Variants in KCNK2 observed in about 807,000 individuals in gnomAD.
KCNK2 encodes potassium channel subfamily K member 2.
Under a neutral mutation model 40.5 loss-of-function variants are expected in KCNK2, and 21 were observed. That is an observed-to-expected ratio of 0.52 (90% CI 0.37 to 0.75). The LOEUF is 0.75. Among genes scored for constraint, KCNK2 ranks in the 30% least tolerant of loss-of-function variants. The pLI is 0.00. For synonymous variants in KCNK2, 191 were observed against 202.2 expected (o/e 0.94, Z 0.47); for missense variants, 399 against 531.6 (o/e 0.75, Z 2.45).
chr1:215,145,457 T>G (rs1662373560), intron 3 of KCNK2, among the ~76,000 whole-genome samples: 1 of 152,236 alleles, frequency 6.6e-6, no homozygotes, highest in South Asian at 2.1e-4. Flanking sequence ...TTTGAATAAG[T>G]CTATTTGCAG....
At position 215,056,615 on chromosome 1, in the gene KCNK2, C is replaced by CTTTT. The variant is rs34925678; in HGVS notation, c.35-29736_35-29733dup. On this transcript the variant is annotated intron_variant, in intron 1 of 6. Coordinates refer to the KCNK2 transcript ENST00000391895. ...AGATTTGTAAAGGATTGTGTCCACTCTTTTTTTTTTTTTTTTTTTTGGTAG... is the reference window on the plus strand; with the variant it reads ...AGATTTGTAAAGGATTGTGTCCACTCTTTTTTTTTTTTTTTTTTTTTTTTGGTAG... Among the ~76,000 whole-genome samples, 900 of 103,950 alleles carry CTTTT rather than the reference C, an allele frequency of 8.7e-3. 42 individuals carry two copies. Among genetic ancestry groups the CTTTT allele is most frequent in the South Asian group, 0.068 (196 of 2,896 alleles). The allele number at this position is 103,950 out of a possible 152,430, so 68.2% of individuals were successfully genotyped here.
At chr1:215,066,233 C>G (rs1359669135) in intron 1 of KCNK2, among the ~76,000 whole-genome samples, 5 of 151,988 alleles carry the variant, frequency 3.3e-5, no homozygotes, top group Non-Finnish European at 7.4e-5. Flanking sequence ...CCTGCATGTT[C>G]TGCACATGTA....
At chr1:215,224,254 G>A (rs146091528) in intron 6 of KCNK2, among the ~76,000 whole-genome samples, 14 of 152,094 alleles carry the variant, frequency 9.2e-5, no homozygotes, top group African/African-American at 3.4e-4. Flanking sequence ...ATTCTAAGTG[G>A]GTAACCCCAC....
At chr1:215,182,009 C>G (rs1007902735) in intron 5 of KCNK2, among the ~76,000 whole-genome samples, 1 of 152,172 alleles carries the variant, frequency 6.6e-6, no homozygotes, top group African/African-American at 2.4e-5. Context: ...ACTCCTTGAC[C>G]CCATGTTCTC....
intron 3 of KCNK2, among the ~76,000 whole-genome samples, chr1:215,134,263 C>T (rs918977596): frequency 2.0e-5 from 3 of 152,130 alleles, no homozygotes; most frequent in African/African-American, 7.2e-5. Context: ...GAATTAGCAT[C>T]AGATCCCACA....
chr1:215,068,106 TCAGTAAGGG>T (rs1658620875), intron 1 of KCNK2, among the ~76,000 whole-genome samples: 1 of 151,870 alleles, frequency 6.6e-6, no homozygotes, highest in Admixed American at 6.6e-5. Context: ...ATCCAACTCT[TCAGTAAGGG>T]CTACCTGGTT....
At chr1:215,124,585 C>G (rs755285121) in intron 2 of KCNK2, 48 bp from the exon 3 acceptor site, 1 of 1,035,678 alleles carries the variant, frequency 9.7e-7, no homozygotes, top group East Asian at 2.4e-5. Context: ...CTGTTTGATG[C>G]CTCTGTGTGA....
At chr1:215,085,837 C>CA (rs1659408437) in intron 1 of KCNK2, among the ~76,000 whole-genome samples, 2 of 152,112 alleles carry the variant, frequency 1.3e-5, no homozygotes, top group South Asian at 4.1e-4. Flanking sequence ...TTTTGAGTAA[C>CA]AATGTTTGGA....
intron 1 of KCNK2, among the ~76,000 whole-genome samples, chr1:215,075,743 AG>A (rs752898274): frequency 1.6e-4 from 25 of 152,342 alleles, no homozygotes; most frequent in Non-Finnish European, 2.9e-4. Flanking sequence ...ATGTTGGTAG[AG>A]GACCTGAGTT....
chr1:215,071,901 G>A (rs778281817), intron 1 of KCNK2, among the ~76,000 whole-genome samples: 1 of 152,178 alleles, frequency 6.6e-6, no homozygotes, highest in Admixed American at 6.5e-5. Flanking sequence ...AAGGATTAGG[G>A]TAAGGCAAGT....
At chr1:215,152,072 C>T (rs1020868839) in intron 3 of KCNK2, among the ~76,000 whole-genome samples, 4 of 152,118 alleles carry the variant, frequency 2.6e-5, no homozygotes, top group Non-Finnish European at 5.9e-5. Flanking sequence ...TAACTCCTCA[C>T]TCCTCATTTA....
chr1:215,095,162 A>G (rs116542025), intron 2 of KCNK2, among the ~76,000 whole-genome samples: 1,602 of 152,222 alleles, frequency 0.011, 27 homozygotes, highest in African/African-American at 0.037. Flanking sequence ...ATATTACTTA[A>G]TTCTCACATC....
intron 6 of KCNK2, among the ~76,000 whole-genome samples, 158 bp from the exon 7 acceptor site, chr1:215,234,670 C>A (rs989562831): frequency 1.3e-5 from 2 of 152,136 alleles, no homozygotes; most frequent in Non-Finnish European, 2.9e-5. Context: ...GCTGTGTATA[C>A]CCTGCCTAAT....
intron 1 of KCNK2, 40 bp downstream of exon 1, chr1:215,083,471 A>G: frequency 6.9e-7 from 1 of 1,442,308 alleles, no homozygotes; most frequent in Non-Finnish European, 9.8e-7. Context: ...CTCTGGCCGC[A>G]CGCTCTCCTG....
chr1:215,104,178 T>C (rs569028097), intron 2 of KCNK2, among the ~76,000 whole-genome samples: 15 of 152,226 alleles, frequency 9.9e-5, no homozygotes, highest in African/African-American at 3.1e-4. Flanking sequence ...ACCATAGATA[T>C]TGTCTATTCA....
chr1:215,078,957 T>C (rs1462273806), upstream of KCNK2, among the ~76,000 whole-genome samples: 1 of 152,216 alleles, frequency 6.6e-6, no homozygotes, highest in Non-Finnish European at 1.5e-5. Context: ...ATTTTAATTT[T>C]CACTATGACA....
intron 5 of KCNK2, among the ~76,000 whole-genome samples, chr1:215,183,410 A>G (rs1664305440): frequency 6.6e-6 from 1 of 152,200 alleles, no homozygotes; most frequent in Non-Finnish European, 1.5e-5. Flanking sequence ...AACCTAAAAT[A>G]GGTCATGTAG....
At chr1:215,159,293 A>G (rs146897080) in intron 3 of KCNK2, among the ~76,000 whole-genome samples, 186 of 152,230 alleles carry the variant, frequency 1.2e-3, no homozygotes, top group African/African-American at 4.1e-3. Flanking sequence ...TCTTGACTCT[A>G]GGCACCCTTC....
At chr1:215,028,030 A>AT (rs1205440888) in intron 1 of KCNK2, among the ~76,000 whole-genome samples, 2 of 151,944 alleles carry the variant, frequency 1.3e-5, no homozygotes, top group Admixed American at 6.6e-5. Context: ...AAAAATATTA[A>AT]TTTTTTTCTT....
Sources: allele counts gnomAD v4.1 joint callset (sites outside exome capture counted in the v4.1 genomes callset), GRCh38; gene constraint gnomAD v4.1.1; transcripts MANE v1.5; gene names NCBI Gene and HGNC (gene_info 2026-07-23, HGNC 2026-07-21).